The following MSH3 variants were observed in gnomAD, a reference collection of about 807,000 sequenced individuals.
The protein encoded by MSH3 is mutS homolog 3.
Under a neutral mutation model 123.3 loss-of-function variants are expected in MSH3, and 106 were observed. The observed-to-expected ratio is 0.86, with a 90% CI of 0.73 to 1.01. MSH3 has a LOEUF of 1.01. MSH3 is among the 50% of genes least tolerant of loss of function. The pLI, the probability that MSH3 is intolerant of heterozygous loss-of-function variation, is 0.00. For missense variants in MSH3, 1,459 were observed against 1,347.6 expected (o/e 1.08, Z -1.29); for synonymous variants, 515 against 481.4 (o/e 1.07, Z -0.91).
At chr5:80,805,049 C>T (rs570414483) in intron 19 of MSH3, among the ~76,000 whole-genome samples, 2 of 152,244 alleles carry the variant, frequency 1.3e-5, no homozygotes, top group African/African-American at 4.8e-5. Flanking sequence ...ATACATTGGG[C>T]CAAAAGACCC....
At chr5:80,858,261 C>G (rs1025133545) in intron 21 of MSH3, among the ~76,000 whole-genome samples, 1 of 152,052 alleles carries the variant, frequency 6.6e-6, no homozygotes, top group Non-Finnish European at 1.5e-5. Flanking sequence ...GTTGCCCAGG[C>G]TGGTCTCGTA....
chr5:80,662,781 C>T lies in MSH3; in HGVS notation c.359-2362C>T, dbSNP rs532375425. On this transcript the variant is annotated intron_variant, in intron 2 of 23. Transcript: ENST00000265081. ...GGCAGAGGTTGCAGTGAGCCGAGATCGCGCCATTGCACTCCAGCCTGGGTG... is the reference window on the plus strand; with the variant it reads ...GGCAGAGGTTGCAGTGAGCCGAGATTGCGCCATTGCACTCCAGCCTGGGTG... Among the ~76,000 whole-genome samples the T allele has an allele frequency of 1.6e-4, 24 of 151,442 alleles. No individual in the cohort carries two copies. In the South Asian group the frequency reaches 3.3e-3, roughly 21 times the overall value.
intron 17 of MSH3, among the ~76,000 whole-genome samples, chr5:80,780,215 G>T (rs1009887688): frequency 6.6e-6 from 1 of 152,142 alleles, no homozygotes; most frequent in Non-Finnish European, 1.5e-5. Context: ...GCTGATTTCT[G>T]TAGTGTAAAC....
chr5:80,869,825 CATATATACATATATAT>C lies in MSH3; in HGVS notation c.3131-3289_3131-3274del, dbSNP rs1349117346. ...ATATACATATATACATATATATATACATATATACATATATATACACACACACACACACACACACTAT... is the reference window on the plus strand; with the variant it reads ...ATATACATATATACATATATATATACACACACACACACACACACACACTAT... On this transcript the variant is annotated intron_variant, in intron 22 of 23. Transcript: ENST00000265081. 2.8e-3 allele frequency among the ~76,000 whole-genome samples: 241 copies of C among 86,924 alleles called. 2 individuals carry two copies. The highest frequency in any genetic ancestry group is 2.0e-3 in the African/African-American group (46 of 22,554). 57.0% of individuals were successfully genotyped at this position (86,924 alleles called of 152,430 possible).
intron 8 of MSH3, among the ~76,000 whole-genome samples, chr5:80,702,532 G>A (rs1244249390): frequency 6.6e-6 from 1 of 152,158 alleles, no homozygotes; most frequent in Admixed American, 6.5e-5. Flanking sequence ...GACATTTCAA[G>A]TGCTCATTAA....
Position 80,744,546 on chromosome 5 carries a change from A to T in MSH3, c.1694A>T (p.Asp565Val). 1 of 1,613,958 alleles carries T rather than the reference A, an allele frequency of 6.2e-7. No homozygotes were observed. Among genetic ancestry groups the T allele is most frequent in the Non-Finnish European group, 8.5e-7 (1 of 1,179,934 alleles). The change falls in exon 12 of 24, where the codon GAC becomes GTC. Residue 565 changes from aspartate to valine, a missense_variant. Asp to Val is a radical substitution (Grantham distance 152). Transcript: ENST00000265081. ...KTKGSLLWVLDHTKTSFGRRK... is the reference protein window; with the variant it reads ...KTKGSLLWVLVHTKTSFGRRK... ...AAAGGAAGTTTGCTGTGGGTTTTAG[A>T]CCACACTAAAACTTCATTTGGGAGA...
intron 1 of MSH3, among the ~76,000 whole-genome samples, chr5:80,656,019 T>C (rs977178731): frequency 1.3e-5 from 2 of 152,366 alleles, no homozygotes; most frequent in South Asian, 4.1e-4. Flanking sequence ...TACTGTTCTT[T>C]TATTACCTAT....
chr5:80,686,754 C>A (rs1407759792), intron 8 of MSH3, among the ~76,000 whole-genome samples: 1 of 151,258 alleles, frequency 6.6e-6, no homozygotes, highest in Non-Finnish European at 1.5e-5. Context: ...TTTCTTGTAT[C>A]TCAGACTAAG....
chr5:80,853,541 T>G (rs1274784549), intron 20 of MSH3, among the ~76,000 whole-genome samples: 2 of 152,160 alleles, frequency 1.3e-5, no homozygotes, highest in Admixed American at 1.3e-4. Flanking sequence ...GAAAAGAAAT[T>G]TAAATCTTTT....
chr5:80,694,896 ATTTTTTT>A (rs35665355), intron 8 of MSH3, among the ~76,000 whole-genome samples: 1 of 135,682 alleles, frequency 7.4e-6, no homozygotes, highest in African/African-American at 2.7e-5. Flanking sequence ...GCTGTCAAGA[ATTTTTTT>A]TTTTTTTTTT....
intron 17 of MSH3, among the ~76,000 whole-genome samples, chr5:80,782,158 A>G (rs1183991438): frequency 6.6e-6 from 1 of 152,154 alleles, no homozygotes; most frequent in African/African-American, 2.4e-5. Context: ...ACATATATAT[A>G]TGTATATGTA....
chr5:80,875,390 A>T lies in MSH3; in HGVS notation c.3303-361A>T, dbSNP rs139689392. Among the ~76,000 whole-genome samples, 465 of 152,104 alleles carry T rather than the reference A, an allele frequency of 3.1e-3. 1 individual carries two copies. Among genetic ancestry groups the T allele is most frequent in the South Asian group, 0.012 (56 of 4,812 alleles). ...AGCTTCATTGTTTTCGGTTGGTGTT[A>T]CTTTTCATCCTGGGAACACTTCATA... On this transcript the variant is annotated intron_variant, in intron 23 of 23. Coordinates refer to ENST00000265081, the MANE Select transcript of MSH3 (RefSeq NM_002439.5).
At chr5:80,769,355 A>G (rs1250614977) in intron 15 of MSH3, among the ~76,000 whole-genome samples, 2 of 152,094 alleles carry the variant, frequency 1.3e-5, no homozygotes, top group Admixed American at 1.3e-4. Context: ...AGATGATGAA[A>G]TGATACAAAG....
At chr5:80,850,362 A>G (rs528688519) in intron 20 of MSH3, among the ~76,000 whole-genome samples, 1 of 152,134 alleles carries the variant, frequency 6.6e-6, no homozygotes, top group Non-Finnish European at 1.5e-5. Flanking sequence ...TTCCAGCAAC[A>G]CCCCACTCCT....
chr5:80,835,910 C>CA (rs1021849930), intron 20 of MSH3, among the ~76,000 whole-genome samples: 49 of 142,030 alleles, frequency 3.4e-4, no homozygotes, highest in African/African-American at 8.5e-4. Flanking sequence ...GAGACTGTCT[C>CA]AAAAAAAAAA....
At chr5:80,814,142 AC>A (rs1198414521) in intron 20 of MSH3, among the ~76,000 whole-genome samples, 15 of 145,410 alleles carry the variant, frequency 1.0e-4, no homozygotes, top group Non-Finnish European at 1.5e-4. Context: ...AAAAAAAAAA[AC>A]AAAAACAAAA....
At chr5:80,781,811 T>A (rs1744415202) in intron 17 of MSH3, among the ~76,000 whole-genome samples, 1 of 152,178 alleles carries the variant, frequency 6.6e-6, no homozygotes, top group Admixed American at 6.5e-5. Flanking sequence ...CCTCAAACCA[T>A]TCTTACTGTA....
At chr5:80,770,185 A>T (rs1237134821) in intron 15 of MSH3, among the ~76,000 whole-genome samples, 1 of 152,114 alleles carries the variant, frequency 6.6e-6, no homozygotes, top group Non-Finnish European at 1.5e-5. Flanking sequence ...TATTCTGGCT[A>T]TTGGTTTAAA....
intron 20 of MSH3, among the ~76,000 whole-genome samples, chr5:80,850,688 CAT>C (rs1274133745): frequency 2.0e-5 from 3 of 152,210 alleles, no homozygotes; most frequent in Non-Finnish European, 4.4e-5. Flanking sequence ...CCTCCCACAA[CAT>C]GTGGGAATTA....
Sources: allele counts gnomAD v4.1 joint callset (sites outside exome capture counted in the v4.1 genomes callset), GRCh38; gene constraint gnomAD v4.1.1; transcripts MANE v1.5; gene names NCBI Gene and HGNC (gene_info 2026-07-23, HGNC 2026-07-21).